The following IL7R variants were observed in gnomAD, a reference collection of about 807,000 sequenced individuals.
The protein encoded by IL7R is interleukin-7 receptor subunit alpha.
In IL7R, 38 loss-of-function variants were observed where a neutral mutation model predicts 47.0. That is an observed-to-expected ratio of 0.81 (90% CI 0.62 to 1.06). The LOEUF (loss-of-function observed/expected upper bound fraction) is 1.06. IL7R is among the 50% of genes least tolerant of loss of function. The probability of loss-of-function intolerance (pLI) is 0.00; values close to 1 mark genes in which losing one functional copy is unlikely to be tolerated. For synonymous variants in IL7R, 221 were observed against 199.8 expected (o/e 1.11, Z -0.89); for missense variants, 633 against 534.8 (o/e 1.18, Z -1.81).
At chr5:35,867,689 G>A (rs1488244728) in intron 3 of IL7R, 2 of 627,082 alleles carry the variant, frequency 3.2e-6, no homozygotes, top group African/African-American at 3.7e-5. Flanking sequence ...GAAAGATAGT[G>A]TTTGTGCAAA....
rs41270321 is a variant in IL7R at position 35,876,149 on chromosome 5, A to T, written c.1043A>T (p.Asn348Ile). ...CTTGGAGGGGATGTGCAGAGCCCCA[A>T]CTGCCCATCTGAGGATGTAGTCATC... Reference protein sequence around the residue: ...QRLGGDVQSPNCPSEDVVITP... With the variant: ...QRLGGDVQSPICPSEDVVITP... The change falls in exon 8 of 8, where the codon AAC (asparagine) becomes ATC (isoleucine). Residue 348 changes from asparagine to isoleucine, a missense_variant. By Grantham distance (149) the Asn-to-Ile change is moderately radical. Coordinates refer to ENST00000303115, the MANE Select transcript of IL7R (RefSeq NM_002185.5). 3 of 1,614,018 alleles carry T rather than the reference A, an allele frequency of 1.9e-6. No individual in the cohort carries two copies. The highest frequency in any genetic ancestry group is 4.5e-5 in the East Asian group (2 of 44,898).
rs941058125 is a variant in IL7R at position 35,857,070 on chromosome 5, T to G, written c.82+11T>G. The G allele has an allele frequency of 2.0e-6, 3 of 1,519,284 alleles. No individual in the cohort carries two copies. Among genetic ancestry groups the G allele is most frequent in the Non-Finnish European group, 2.7e-6 (3 of 1,094,258 alleles). The allele number at this position is 1,519,284 out of a possible 1,614,324, so 94.1% of individuals were successfully genotyped here. Reference sequence around the variant, plus strand: ...GCTATGCTCAAAATGGTGAGTCATTTCTAAGTTTTCTTATGGATTTTGGAT... The same window carrying G: ...GCTATGCTCAAAATGGTGAGTCATTGCTAAGTTTTCTTATGGATTTTGGAT... On this transcript the variant is annotated intron_variant, in intron 1 of 7. Coordinates refer to ENST00000303115, the MANE Select transcript of IL7R (RefSeq NM_002185.5).
At position 35,871,171 on chromosome 5, in the gene IL7R, C is replaced by T. The variant is rs2228141; in HGVS notation, c.495C>T (p.His165=). 0.13 allele frequency: 215,879 copies of T among 1,609,440 alleles called. 15,172 individuals carry two copies. Among genetic ancestry groups the T allele is most frequent in the Admixed American group, 0.15 (9,074 of 59,986 alleles). Residue 165 remains histidine, a synonymous_variant, in exon 4 of 8, where the codon CAC becomes CAT. Coordinates refer to ENST00000303115, the MANE Select transcript of IL7R (RefSeq NM_002185.5). ...AGAAGTATGTAAAAGTTTTAATGCA[C>T]GATGTAGCTTACCGCCAGGAAAAGG... ...LQKKYVKVLM[H]DVAYRQEKDE...
rs774732191 is a variant in IL7R at position 35,873,484 on chromosome 5, T to C, written c.542T>C (p.Val181Ala). 1.2e-6 allele frequency: 2 copies of C among 1,613,880 alleles called. No homozygotes were observed. Among genetic ancestry groups the C allele is most frequent in the Non-Finnish European group, 1.7e-6 (2 of 1,179,774 alleles). The change falls in exon 5 of 8, where the codon GTG (valine) becomes GCG (alanine). Residue 181 changes from valine to alanine, a missense_variant. Transcript: ENST00000303115. ...QEKDENKWTH[V>A]NLSSTKLTLL... ...TAACTGCACTCTACTCTCTAGCATG[T>C]GAATTTATCCAGCACAAAGCTGACA...
chr5:35,876,806 G>A lies in IL7R; in HGVS notation c.*320G>A. Reference sequence around the variant, plus strand: ...GATTGAGGAGTGAGGAAGGCAGGAAGAGAGCATGAGAGGAAAGAAAGAAAG... The same window carrying A: ...GATTGAGGAGTGAGGAAGGCAGGAAAAGAGCATGAGAGGAAAGAAAGAAAG... On this transcript the variant is annotated 3_prime_UTR_variant, in exon 8 of 8. Transcript: ENST00000303115. 2.5e-6 allele frequency: 1 copy of A among 401,260 alleles called. No homozygotes were observed. The highest frequency in any genetic ancestry group is 4.5e-6 in the Non-Finnish European group (1 of 221,760). 24.9% of individuals were successfully genotyped at this position (401,260 alleles called of 1,614,324 possible).
chr5:35,874,432 C>G lies in IL7R; in HGVS notation c.707-17C>G. 1 of 1,561,980 alleles carries G rather than the reference C, an allele frequency of 6.4e-7. No individual in the cohort carries two copies. The highest frequency in any genetic ancestry group is 1.1e-5 in the South Asian group (1 of 90,096). On this transcript the variant is annotated splice_polypyrimidine_tract_variant and intron_variant, in intron 5 of 7. Coordinates refer to ENST00000303115, the MANE Select transcript of IL7R (RefSeq NM_002185.5). ...ATGGCTACTGAATGCTCACCACAAT[C>G]TATTCTTGCTTTCCAGGGGAGATGG...
intron 2 of IL7R, among the ~76,000 whole-genome samples, chr5:35,865,092 T>C (rs11567723): frequency 0.027 from 4,146 of 152,234 alleles, 144 homozygotes; most frequent in African/African-American, 0.074. Context: ...GTATATCTCC[T>C]AATGCTATCC....
chr5:35,864,874 A>G (rs1249859064), intron 2 of IL7R, among the ~76,000 whole-genome samples: 2 of 152,052 alleles, frequency 1.3e-5, no homozygotes, highest in African/African-American at 4.8e-5. Context: ...ATCCTTGCTA[A>G]GATAACTTTG....
chr5:35,876,441 A>G lies in IL7R; in HGVS notation c.1335A>G (p.Gln445=), dbSNP rs1447172056. Residue 445 remains glutamine, a synonymous_variant, in exon 8 of 8, where the codon CAA becomes CAG. Coordinates refer to ENST00000303115, the MANE Select transcript of IL7R (RefSeq NM_002185.5). Reference sequence around the variant, plus strand: ...TTCTTACTTCCCTGGGATCAAATCAAGAAGAAGCATATGTCACCATGTCCA... The same window carrying G: ...TTCTTACTTCCCTGGGATCAAATCAGGAAGAAGCATATGTCACCATGTCCA... ...QPILTSLGSN[Q]EEAYVTMSSF... 6.2e-7 allele frequency: 1 copy of G among 1,608,356 alleles called. No homozygotes were observed.
At chr5:35,872,200 A>T (rs1270115404) in intron 4 of IL7R, among the ~76,000 whole-genome samples, 1 of 152,162 alleles carries the variant, frequency 6.6e-6, no homozygotes, top group African/African-American at 2.4e-5. Flanking sequence ...AAATTCAATA[A>T]ATACATGAAT....
At chr5:35,873,995 C>T (rs1013884683) in intron 5 of IL7R, among the ~76,000 whole-genome samples, 1 of 152,122 alleles carries the variant, frequency 6.6e-6, no homozygotes, top group African/African-American at 2.4e-5. Flanking sequence ...TAAGAAGCAC[C>T]TTTATTGGTG....
chr5:35,868,769 T>G lies in IL7R; in HGVS notation c.379+1306T>G, dbSNP rs138655157. Among the ~76,000 whole-genome samples the G allele has an allele frequency of 6.6e-5, 10 of 152,192 alleles. No homozygotes were observed. In the East Asian group the frequency reaches 1.9e-3, roughly 29 times the overall value. ...CCTGGAGCATCAGGGGAGAGCCCAT[T>G]CTTACAAAACTCCACACCAGCATGC... is the stretch of plus-strand genomic sequence containing the variant. On this transcript the variant is annotated intron_variant, in intron 3 of 7. Coordinates refer to ENST00000303115, the MANE Select transcript of IL7R (RefSeq NM_002185.5).
At position 35,876,916 on chromosome 5, in the gene IL7R, C is replaced by T. The variant is rs760126842; in HGVS notation, c.*430C>T. On this transcript the variant is annotated 3_prime_UTR_variant, in exon 8 of 8. Transcript: ENST00000303115. ...GTGCTCTGCGCACCTTGTCTCACTC[C>T]ATCCTGACAATAATCCTGGGAGGTG... is the stretch of plus-strand genomic sequence containing the variant. 2 of 264,752 alleles carry T rather than the reference C, an allele frequency of 7.6e-6. No individual in the cohort carries two copies. Among genetic ancestry groups the T allele is most frequent in the Admixed American group, 4.8e-5 (1 of 20,948 alleles). 16.4% of individuals were successfully genotyped at this position (264,752 alleles called of 1,614,324 possible).
Position 35,871,231 on chromosome 5 carries a change from A to G in IL7R, c.537+18A>G. 1.9e-6 allele frequency: 3 copies of G among 1,593,586 alleles called. No homozygotes were observed. Among genetic ancestry groups the G allele is most frequent in the Non-Finnish European group, 1.7e-6 (2 of 1,162,486 alleles). On this transcript the variant is annotated intron_variant, in intron 4 of 7. Transcript: ENST00000303115. The stretch of plus-strand genomic sequence containing the variant: ...AATGGACGGTATGTAGTTCAACTAC[A>G]TTAATAAAATAAAAACTTATGAATG...
At chr5:35,873,934 G>A (rs1485277695) in intron 5 of IL7R, among the ~76,000 whole-genome samples, 2 of 152,144 alleles carry the variant, frequency 1.3e-5, no homozygotes, top group African/African-American at 4.8e-5. Flanking sequence ...ACTACGTCCA[G>A]TTAACCAATT....
At position 35,879,573 on chromosome 5, in the gene IL7R, C is replaced by A. The variant is rs1191419233; in HGVS notation, c.*3087C>A. 9.1e-6 allele frequency: 2 copies of A among 220,818 alleles called. No homozygotes were observed. Among genetic ancestry groups the A allele is most frequent in the African/African-American group, 4.5e-5 (2 of 44,650 alleles). The allele number at this position is 220,818 out of a possible 1,614,324, so 13.7% of individuals were successfully genotyped here. A position where few individuals can be genotyped will look rare whatever the true frequency, so the allele number is the denominator to read the frequency against. ...AGCGTACAATGTATGTAATAACCAT[C>A]TCATATTTAATTAAATGGTATAGAA... On this transcript the variant is annotated 3_prime_UTR_variant, in exon 8 of 8. Coordinates refer to ENST00000303115, the MANE Select transcript of IL7R (RefSeq NM_002185.5).
intron 2 of IL7R, among the ~76,000 whole-genome samples, chr5:35,865,032 A>T (rs954048319): frequency 2.6e-5 from 4 of 152,106 alleles, no homozygotes; most frequent in Admixed American, 2.0e-4. Context: ...ACATATGTAT[A>T]CATGTGCCAT....
rs1187380538 is a variant in IL7R at position 35,877,128 on chromosome 5, C to A, written c.*642C>A. On this transcript the variant is annotated 3_prime_UTR_variant, in exon 8 of 8. Coordinates refer to ENST00000303115, the MANE Select transcript of IL7R (RefSeq NM_002185.5). Reference sequence around the variant, plus strand: ...TGAGGACTGCCCCATTCTTGAGTGCCAAACGTCACTAGTAACAGGGTGTGC... The same window carrying A: ...TGAGGACTGCCCCATTCTTGAGTGCAAAACGTCACTAGTAACAGGGTGTGC... The A allele has an allele frequency of 4.3e-6, 1 of 233,702 alleles. No homozygotes were observed. Among genetic ancestry groups the A allele is most frequent in the Non-Finnish European group, 8.4e-6 (1 of 118,532 alleles). The allele number at this position is 233,702 out of a possible 1,614,324, so 14.5% of individuals were successfully genotyped here. A position where few individuals can be genotyped will look rare whatever the true frequency, so the allele number is the denominator to read the frequency against.
At chr5:35,861,196 GA>G (rs1759802334) in intron 2 of IL7R, among the ~76,000 whole-genome samples, 1 of 152,122 alleles carries the variant, frequency 6.6e-6, no homozygotes, top group African/African-American at 2.4e-5. Context: ...TTCAGACCCT[GA>G]GACTCAGTCA....
Sources: allele counts gnomAD v4.1 joint callset (sites outside exome capture counted in the v4.1 genomes callset), GRCh38; gene constraint gnomAD v4.1.1; transcripts MANE v1.5; gene names NCBI Gene and HGNC (gene_info 2026-07-23, HGNC 2026-07-21).